STXBP5: variants seen among roughly 807,000 people sequenced by gnomAD.
STXBP5 encodes the protein syntaxin binding protein 5.
STXBP5 carries 50 observed loss-of-function variants against 152.4 expected under a neutral mutation model. The ratio of observed to expected loss-of-function variants is 0.33; its 90% CI spans 0.26 to 0.42. STXBP5 has a LOEUF of 0.42. Ranked by LOEUF, STXBP5 falls within the 10% of genes least tolerant of loss-of-function variation. The pLI is 1.00. For missense variants in STXBP5, 1,167 were observed against 1,388.6 expected, an observed-to-expected ratio of 0.84 and a Z score of 2.54; for synonymous variants, 492 against 494.7, an observed-to-expected ratio of 0.99 and a Z score of 0.07.
At chr6:147,314,444 A>G in intron 13 of STXBP5, 113 bp downstream of exon 13, 4 of 1,278,542 alleles carry the variant, frequency 3.1e-6, no homozygotes, top group Non-Finnish European at 4.4e-6. Flanking sequence ...ATGTCGTAAT[A>G]TAATAAGAAA....
At chr6:147,315,418 A>G in intron 14 of STXBP5, 97 bp from the exon 15 acceptor site, 1 of 753,626 alleles carries the variant, frequency 1.3e-6, no homozygotes, top group African/African-American at 1.8e-5. Flanking sequence ...GTAGTTAAAT[A>G]TGGACCATTT....
chr6:147,360,310 G>T (rs535623434), intron 23 of STXBP5, among the ~76,000 whole-genome samples: 2 of 152,214 alleles, frequency 1.3e-5, no homozygotes, highest in East Asian at 1.9e-4. Context: ...TATACCCAAA[G>T]GACTATAAAT....
intron 7 of STXBP5, among the ~76,000 whole-genome samples, chr6:147,276,286 A>G (rs1780439906): frequency 6.6e-6 from 1 of 152,120 alleles, no homozygotes. Context: ...TGTTTGTTGC[A>G]TGTCCATATT....
intron 3 of STXBP5, among the ~76,000 whole-genome samples, chr6:147,236,476 T>C (rs1034221683): frequency 4.6e-5 from 7 of 152,188 alleles, no homozygotes; most frequent in African/African-American, 1.7e-4. Flanking sequence ...CTTCTCCCAA[T>C]AGTTACATTT....
rs1778422261 is a variant in STXBP5 at position 147,239,246 on chromosome 6, A to G, written c.407A>G (p.His136Arg). The G allele has an allele frequency of 8.1e-6, 13 of 1,613,650 alleles. No individual in the cohort carries two copies. The highest frequency in any genetic ancestry group is 1.1e-5 in the Non-Finnish European group (13 of 1,179,738). The change falls in exon 4 of 28, where the codon CAT (histidine) becomes CGT (arginine). Residue 136 changes from histidine (H) to arginine (R), a missense_variant. Physicochemically the swap from His to Arg is conservative, Grantham distance 29. Coordinates refer to ENST00000321680, the MANE Select transcript of STXBP5 (RefSeq NM_001127715.4). ...CGTCAGAAGAGGCCTGCCATACTACATTCGCTTAAATTTTGCAGAGAAAGG... is the reference window on the plus strand; with the variant it reads ...CGTCAGAAGAGGCCTGCCATACTACGTTCGCTTAAATTTTGCAGAGAAAGG... ...NLRQKRPAIL[H>R]SLKFCRERVT...
chr6:147,317,125 G>A (rs1782684304), intron 16 of STXBP5, among the ~76,000 whole-genome samples: 2 of 152,190 alleles, frequency 1.3e-5, no homozygotes, highest in African/African-American at 4.8e-5. Flanking sequence ...TAGATTGGTA[G>A]AGGGCAAAAG....
rs188823771 is a variant in STXBP5, at chr6:147,260,557, A to G, written c.432-58A>G. On this transcript the variant is annotated intron_variant, in intron 4 of 27. Transcript: ENST00000321680. The stretch of plus-strand genomic sequence containing the variant: ...TATATCATAATCAACCCTCTAATGC[A>G]ATTAGTAAAATTTGCCATTTTTCAA... The G allele has an allele frequency of 1.7e-4, 267 of 1,602,140 alleles. No individual in the cohort carries two copies. The East Asian group carries it at 5.7e-3, about 34-fold the overall frequency.
At chr6:147,366,732 CTTGCCAGGTAATAT>C (rs1785307320) in intron 25 of STXBP5, among the ~76,000 whole-genome samples, 1 of 152,312 alleles carries the variant, frequency 6.6e-6, no homozygotes, top group African/African-American at 2.4e-5. Context: ...ACTCCTTTTC[CTTGCCAGGTAATAT>C]TTGTTGGTCC....
At position 147,359,247 on chromosome 6, in the gene STXBP5, A is replaced by G; in HGVS notation, c.2469A>G (p.Thr823=). 2 of 1,614,060 alleles carry G rather than the reference A, an allele frequency of 1.2e-6. No homozygotes were observed. The highest frequency in any genetic ancestry group is 1.7e-6 in the Non-Finnish European group (2 of 1,179,938). The part of the protein sequence containing the change: ...PCLWVGTTLG[T]VLVIALNLPP... ...TATGGGTTGGAACAACGCTAGGAAC[A>G]GTGCTTGTCATTGCACTGAACCTTC... is the stretch of plus-strand genomic sequence containing the variant. Residue 823 remains threonine (T), a synonymous_variant, in exon 23 of 28, where the codon ACA becomes ACG. Transcript: ENST00000321680.
At chr6:147,338,523 G>GA (rs1464684352) in intron 19 of STXBP5, among the ~76,000 whole-genome samples, 1 of 151,534 alleles carries the variant, frequency 6.6e-6, no homozygotes, top group Non-Finnish European at 1.5e-5. Flanking sequence ...AGTTTTTAAG[G>GA]AAAAAATTAC....
chr6:147,249,840 G>A (rs2115272430), intron 4 of STXBP5, among the ~76,000 whole-genome samples: 1 of 152,254 alleles, frequency 6.6e-6, no homozygotes, highest in East Asian at 1.9e-4. Flanking sequence ...CTTTTTAAGA[G>A]ATTAACAGTG....
At chr6:147,269,316 G>T (rs1453346068) in intron 7 of STXBP5, among the ~76,000 whole-genome samples, 2 of 152,160 alleles carry the variant, frequency 1.3e-5, no homozygotes, top group East Asian at 1.9e-4. Context: ...GCTGGCTTAA[G>T]TTCATCCTAA....
intron 26 of STXBP5, among the ~76,000 whole-genome samples, chr6:147,380,028 A>G (rs961094272): frequency 2.6e-5 from 4 of 152,130 alleles, no homozygotes; most frequent in African/African-American, 9.7e-5. Context: ...GGATTAGAAG[A>G]TTTAACATTG....
At chr6:147,318,424 C>T (rs191918613) in intron 16 of STXBP5, among the ~76,000 whole-genome samples, 330 of 152,232 alleles carry the variant, frequency 2.2e-3, no homozygotes, top group African/African-American at 7.3e-3. Flanking sequence ...AACCAGCAAA[C>T]CAAAATGCAG....
At chr6:147,241,313 A>G (rs1160505164) in intron 4 of STXBP5, among the ~76,000 whole-genome samples, 2 of 152,210 alleles carry the variant, frequency 1.3e-5, no homozygotes, top group African/African-American at 2.4e-5. Flanking sequence ...TGTTCATAAC[A>G]TAATAAGGTT....
chr6:147,355,815 C>G (rs961658264), intron 22 of STXBP5, among the ~76,000 whole-genome samples: 4 of 152,166 alleles, frequency 2.6e-5, no homozygotes, highest in African/African-American at 9.7e-5. Context: ...ATTTTCACTT[C>G]TGCTCTTATT....
At position 147,334,201 on chromosome 6, in the gene STXBP5, C is replaced by A. The variant is rs751124208; in HGVS notation, c.2125C>A (p.Arg709Ser). ...TGAAGGGACTGTTGTTCCAGAGGATCGCTGCAAATCTCCAACCTCTGGTAA... is the reference window on the plus strand; with the variant it reads ...TGAAGGGACTGTTGTTCCAGAGGATAGCTGCAAATCTCCAACCTCTGGTAA... Reference protein sequence around the residue: ...ISEGTVVPEDRCKSPTSGSSS... With the variant: ...ISEGTVVPEDSCKSPTSGSSS... The change falls in exon 19 of 28, where the codon CGC becomes AGC. Residue 709 changes from arginine (R) to serine (S), a missense_variant. By Grantham distance (110) the Arg-to-Ser change is moderately radical. Transcript: ENST00000321680. 2 of 1,611,732 alleles carry A rather than the reference C, an allele frequency of 1.2e-6. No individual in the cohort carries two copies. Among genetic ancestry groups the A allele is most frequent in the South Asian group, 1.1e-5 (1 of 90,530 alleles).
At chr6:147,229,143 A>G (rs190625200) in intron 2 of STXBP5, among the ~76,000 whole-genome samples, 177 of 152,200 alleles carry the variant, frequency 1.2e-3, no homozygotes, top group African/African-American at 3.9e-3. Flanking sequence ...GCTGCATTTC[A>G]TTTAAGTTGC....
chr6:147,374,701 G>T (rs1785724955), intron 26 of STXBP5, among the ~76,000 whole-genome samples: 1 of 152,150 alleles, frequency 6.6e-6, no homozygotes, highest in African/African-American at 2.4e-5. Context: ...GCCCAGAGCG[G>T]AGAGCCTGAC....
Sources: allele counts gnomAD v4.1 joint callset (sites outside exome capture counted in the v4.1 genomes callset), GRCh38; gene constraint gnomAD v4.1.1; transcripts MANE v1.5; gene names NCBI Gene and HGNC (gene_info 2026-07-23, HGNC 2026-07-21).